The following C6orf62 variants were observed in gnomAD, a reference collection of about 807,000 sequenced individuals.
C6orf62 encodes the protein chromosome 6 open reading frame 62, also known as uncharacterized protein C6orf62.
A neutral mutation model predicts 26.8 loss-of-function variants in C6orf62; 16 were observed. The observed-to-expected ratio is 0.60, with a 90% confidence interval of 0.40 to 0.91. C6orf62 has a LOEUF of 0.91. Ranked by LOEUF, C6orf62 falls within the 40% of genes least tolerant of loss-of-function variation. The probability of loss-of-function intolerance (pLI) is 0.00; values close to 1 mark genes in which losing one functional copy is unlikely to be tolerated. For synonymous variants in C6orf62, 112 were observed against 91.5 expected (o/e 1.22, Z -1.28); for missense variants, 192 against 271.4 (o/e 0.71, Z 2.06).
At chr6:24,709,112 T>C (rs1779071291) in intron 3 of C6orf62, 3 of 978,804 alleles carry the variant, frequency 3.1e-6, no homozygotes, top group Non-Finnish European at 3.6e-6. Flanking sequence ...ATTCCATTCT[T>C]CAGTAGCACT....
At chr6:24,720,596 G>C (rs563338517), upstream of C6orf62, 3 of 164,122 alleles carry the variant, frequency 1.8e-5, no homozygotes, top group East Asian at 3.7e-4. Context: ...CCTGCGCTAA[G>C]GGTCAGCAAA....
chr6:24,720,423 C>T, upstream of C6orf62: 3 of 1,128,512 alleles, frequency 2.7e-6, no homozygotes, highest in Non-Finnish European at 3.3e-6. Context: ...GCCGCTCAGC[C>T]CCCACCTGGG....
intron 4 of C6orf62, among the ~76,000 whole-genome samples, 165 bp from the exon 5 acceptor site, chr6:24,706,427 TA>T (rs1779011373): frequency 6.6e-6 from 1 of 152,058 alleles, no homozygotes; most frequent in African/African-American, 2.4e-5. Flanking sequence ...CCATATAAGA[TA>T]AAGGAAAAAT....
chr6:24,719,139 T>A lies in C6orf62; in HGVS notation c.-471A>T, dbSNP rs1299420168. On this transcript the variant is annotated 5_prime_UTR_variant, in exon 1 of 5. Coordinates refer to ENST00000378119, the MANE Select transcript of C6orf62 (RefSeq NM_030939.5). ...GGATTAAGGAACAGGGAGGGGGAAGTGTGATCCTTGCTTTCCAAAAAAAAA... is the reference window on the plus strand; with the variant it reads ...GGATTAAGGAACAGGGAGGGGGAAGAGTGATCCTTGCTTTCCAAAAAAAAA... 1.0e-6 allele frequency: 1 copy of A among 960,320 alleles called. No individual in the cohort carries two copies. Among genetic ancestry groups the A allele is most frequent in the Non-Finnish European group, 1.2e-6 (1 of 824,316 alleles). 59.5% of individuals were successfully genotyped at this position (960,320 alleles called of 1,614,324 possible). A position where few individuals can be genotyped will look rare whatever the true frequency, so the allele number is the denominator to read the frequency against.
At chr6:24,709,910 C>T (rs1486695618) in intron 3 of C6orf62, 9 of 985,344 alleles carry the variant, frequency 9.1e-6, no homozygotes, top group South Asian at 4.7e-5. Flanking sequence ...ATTTTATTGC[C>T]GTTACGTCAA....
chr6:24,718,579 A>T lies in C6orf62; in HGVS notation c.90T>A (p.Phe30Leu). ...RKKKESLADQ[F>L]DFKMYIAFVF... ...CAAAGGCAATATACATCTTGAAGTC[A>T]AACTGGTCAGCTAGAGATTCTTTTT... The change falls in exon 1 of 5, where the codon TTT becomes TTA. Residue 30 changes from phenylalanine to leucine, a missense_variant. Transcript: ENST00000378119. 1 of 1,613,918 alleles carries T rather than the reference A, an allele frequency of 6.2e-7. No individual in the cohort carries two copies. The highest frequency in any genetic ancestry group is 8.5e-7 in the Non-Finnish European group (1 of 1,179,832).
chr6:24,710,155 A>G, intron 3 of C6orf62: 1 of 985,262 alleles, frequency 1.0e-6, no homozygotes, highest in Non-Finnish European at 1.2e-6. Context: ...AGGTTACTTC[A>G]GCCTTAAGGG....
intron 3 of C6orf62, among the ~76,000 whole-genome samples, chr6:24,712,437 G>A (rs187243937): frequency 1.9e-4 from 29 of 152,090 alleles, no homozygotes; most frequent in Non-Finnish European, 2.1e-4. Context: ...TTGGGAGGCC[G>A]AGGCGGGTGA....
intron 3 of C6orf62, 185 bp from the exon 4 acceptor site, chr6:24,709,096 T>C (rs1779071096): frequency 2.0e-6 from 2 of 984,312 alleles, no homozygotes; most frequent in Non-Finnish European, 2.4e-6. Flanking sequence ...TTAAAAGCAA[T>C]TTACAATTCC....
At chr6:24,710,934 G>A (rs1562169079) in intron 3 of C6orf62, among the ~76,000 whole-genome samples, 1 of 152,072 alleles carries the variant, frequency 6.6e-6, no homozygotes, top group East Asian at 1.9e-4. Context: ...CAAGGCTGCA[G>A]TGAGCCATGA....
Position 24,705,871 on chromosome 6 carries a change from T to C in C6orf62, c.*266A>G. On this transcript the variant is annotated 3_prime_UTR_variant, in exon 5 of 5. Coordinates refer to ENST00000378119, the MANE Select transcript of C6orf62 (RefSeq NM_030939.5). ...ATTTCAGTGTACAATAGTCCTTTCA[T>C]TTCACATTTTTAGTAAGATACTGAT... 3.1e-6 allele frequency: 1 copy of C among 326,720 alleles called. No individual in the cohort carries two copies. Among genetic ancestry groups the C allele is most frequent in the East Asian group, 5.8e-5 (1 of 17,208 alleles). 20.2% of individuals were successfully genotyped at this position (326,720 alleles called of 1,614,324 possible). A position where few individuals can be genotyped will look rare whatever the true frequency, so the allele number is the denominator to read the frequency against.
At chr6:24,720,086 A>G, upstream of C6orf62, 1 of 1,385,112 alleles carries the variant, frequency 7.2e-7, no homozygotes, top group Non-Finnish European at 9.3e-7. Flanking sequence ...CCATGTTTCC[A>G]GAGTTTGGAT....
Position 24,718,799 on chromosome 6 carries a change from G to A in C6orf62, c.-131C>T, listed in dbSNP as rs922362186. The A allele has an allele frequency of 2.6e-6, 4 of 1,537,960 alleles. No individual in the cohort carries two copies. Among genetic ancestry groups the A allele is most frequent in the Admixed American group, 2.3e-5 (1 of 43,114 alleles). On this transcript the variant is annotated 5_prime_UTR_variant, in exon 1 of 5. Transcript: ENST00000378119. ...AATATGATTGATTAGCGAAAATCAC[G>A]ACTATAACCCAAAAACTGCACCTTC... is the stretch of plus-strand genomic sequence containing the variant.
intron 1 of C6orf62, among the ~76,000 whole-genome samples, chr6:24,717,903 G>A (rs1339975655): frequency 6.6e-6 from 1 of 152,036 alleles, no homozygotes; most frequent in African/African-American, 2.4e-5. Context: ...ATTTAACTGC[G>A]GAACTAATTC....
rs1779007371 is a variant in C6orf62 at position 24,706,250 on chromosome 6, T to C, written c.577A>G (p.Lys193Glu). 1 of 1,614,198 alleles carries C rather than the reference T, an allele frequency of 6.2e-7. No individual in the cohort carries two copies. The change falls in exon 5 of 5, where the codon AAA becomes GAA. Residue 193 changes from lysine (K) to glutamate (E), a missense_variant. Coordinates refer to ENST00000378119, the MANE Select transcript of C6orf62 (RefSeq NM_030939.5). ...DRQHLQTPKN[K>E]ATIFKLCSIC... is the part of the protein sequence containing the mutation. ...CTGCATAACTTGAAGATTGTAGCTT[T>C]GTTTTTTGGAGTCTGGAAGGGGAAA...
chr6:24,718,861 GA>G lies in C6orf62; in HGVS notation c.-194del, dbSNP rs1779292880. On this transcript the variant is annotated 5_prime_UTR_variant, in exon 1 of 5. It introduces an in-frame stop codon into an upstream open reading frame of the 5' UTR. Coordinates refer to ENST00000378119, the MANE Select transcript of C6orf62 (RefSeq NM_030939.5). Reference sequence around the variant, plus strand: ...GCAGACTGTCATATTACAGGGTCAAGAAACAAAAGCTGCTGTCCAGTCATGT... The same window carrying G: ...GCAGACTGTCATATTACAGGGTCAAGAACAAAAGCTGCTGTCCAGTCATGT... 9 of 1,418,670 alleles carry G rather than the reference GA, an allele frequency of 6.3e-6. No homozygotes were observed. The South Asian group carries it at 1.4e-4, about 21-fold the overall frequency. 87.9% of individuals were successfully genotyped at this position (1,418,670 alleles called of 1,614,324 possible).
intron 4 of C6orf62, chr6:24,706,864 T>C (rs1779020523): frequency 6.6e-6 from 1 of 152,482 alleles, no homozygotes; most frequent in African/African-American, 2.4e-5. Flanking sequence ...CCATGATCCA[T>C]ATGCCAGTGT....
chr6:24,716,126 C>A, intron 2 of C6orf62, 22 bp downstream of exon 2: 3 of 1,604,788 alleles, frequency 1.9e-6, no homozygotes, highest in East Asian at 2.2e-5. Flanking sequence ...TTTATCAAGT[C>A]AAGACTTAAG....
At chr6:24,707,269 G>A (rs1283078764) in intron 4 of C6orf62, 1 of 152,042 alleles carries the variant, frequency 6.6e-6, no homozygotes, top group Non-Finnish European at 1.5e-5. Context: ...ACCTGTCCAA[G>A]ATCATACAGC....
Sources: gnomAD v4.1 joint callset for allele counts (sites outside exome capture counted in the v4.1 genomes callset) on GRCh38, gnomAD v4.1.1 for gene constraint, MANE v1.5 for transcripts, NCBI Gene and HGNC (gene_info 2026-07-23, HGNC 2026-07-21) for gene names.